The following NWD2 variants were observed in gnomAD, a reference collection of about 807,000 sequenced individuals.
NWD2 encodes NACHT and WD repeat domain-containing protein 2.
In NWD2, 37 loss-of-function variants were observed where a neutral mutation model predicts 132.7. That is an observed-to-expected ratio of 0.28 (90% CI 0.21 to 0.37). The LOEUF (loss-of-function observed/expected upper bound fraction) is 0.37, where lower values mean the gene tolerates loss of function less well. NWD2 is among the 10% of genes least tolerant of loss of function. The pLI is 1.00. For synonymous variants in NWD2, 705 were observed against 803.0 expected (o/e 0.88, Z 2.06); for missense variants, 1,592 against 2,122.4 (o/e 0.75, Z 4.91).
intron 1 of NWD2, among the ~76,000 whole-genome samples, chr4:37,321,528 G>A (rs141384832): frequency 3.3e-5 from 5 of 151,550 alleles, no homozygotes; most frequent in East Asian, 1.9e-4. Flanking sequence ...AAATAGTTGC[G>A]ATGACTATGT....
rs1712434050 is a variant in NWD2, at chr4:37,439,852, G to A, written c.1296+462G>A. Among the ~76,000 whole-genome samples, 1 of 152,182 alleles carries A rather than the reference G, an allele frequency of 6.6e-6. No homozygotes were observed. Among genetic ancestry groups the A allele is most frequent in the Non-Finnish European group, 1.5e-5 (1 of 68,036 alleles). On this transcript the variant is annotated intron_variant, in intron 6 of 6. Transcript: ENST00000309447. This position sits in a 1 kb window ranked among gnomAD's most constrained non-coding sequence, Gnocchi z 4.5. ...CTCTCATAAACAAGGCACCTACAGT[G>A]GGAAATGGGGATCTTCTTTCTTTTT...
At chr4:37,438,193 G>A (rs994285926) in intron 5 of NWD2, among the ~76,000 whole-genome samples, 12 of 151,842 alleles carry the variant, frequency 7.9e-5, no homozygotes, top group African/African-American at 1.7e-4. Context: ...CCCAGGAGGC[G>A]GAGCTTGCAG....
At chr4:37,372,567 C>T (rs1720251090) in intron 3 of NWD2, among the ~76,000 whole-genome samples, 1 of 152,190 alleles carries the variant, frequency 6.6e-6, no homozygotes, top group African/African-American at 2.4e-5. Context: ...TTATCTGGAC[C>T]AACGGGTCTC....
chr4:37,390,161 G>C (rs1025617008), intron 3 of NWD2, among the ~76,000 whole-genome samples: 1 of 152,084 alleles, frequency 6.6e-6, no homozygotes, highest in African/African-American at 2.4e-5. Flanking sequence ...TTCTTTAAAT[G>C]CAACAGTTCC....
chr4:37,347,602 A>G (rs1392256956), intron 2 of NWD2, among the ~76,000 whole-genome samples: 1 of 152,158 alleles, frequency 6.6e-6, no homozygotes, highest in Non-Finnish European at 1.5e-5. Flanking sequence ...CTGTAGAAAG[A>G]TTATTCCTAT....
intron 2 of NWD2, among the ~76,000 whole-genome samples, chr4:37,341,926 TA>T (rs1246557907): frequency 2.6e-5 from 4 of 152,162 alleles, no homozygotes; most frequent in African/African-American, 9.7e-5. Flanking sequence ...AGCAAGAATT[TA>T]AGCAGGGAGA....
In NWD2 at chr4:37,446,386, A is replaced by C; in HGVS notation, c.4398A>C (p.Thr1466=). The C allele has an allele frequency of 6.4e-7, 1 of 1,551,852 alleles. No individual in the cohort carries two copies. Among genetic ancestry groups the C allele is most frequent in the Non-Finnish European group, 8.7e-7 (1 of 1,147,028 alleles). Residue 1466 remains threonine (T), a synonymous_variant, in exon 7 of 7, where the codon ACA becomes ACC. Coordinates refer to ENST00000309447, the MANE Select transcript of NWD2 (RefSeq NM_001144990.2). This position sits in a 1 kb window ranked among gnomAD's most constrained non-coding sequence, Gnocchi z 6.7. ...KSKVLAVSLW[T]GSITKKFCCE... ...AAGTGTTGGCAGTCAGTCTTTGGAC[A>C]GGAAGTATCACCAAGAAATTTTGCT...
intron 1 of NWD2, among the ~76,000 whole-genome samples, chr4:37,275,635 A>G (rs1717995083): frequency 6.6e-6 from 1 of 152,194 alleles, no homozygotes; most frequent in Admixed American, 6.5e-5. Context: ...CCTAAGCCAA[A>G]AGAACAAAGC....
intron 5 of NWD2, among the ~76,000 whole-genome samples, chr4:37,438,422 C>T (rs1269018797): frequency 6.6e-6 from 1 of 152,182 alleles, no homozygotes; most frequent in Non-Finnish European, 1.5e-5. Context: ...CCTCCTCTTT[C>T]TTTCCTGGCC....
intron 3 of NWD2, among the ~76,000 whole-genome samples, chr4:37,429,204 A>T (rs1227583891): frequency 6.6e-6 from 1 of 152,210 alleles, no homozygotes; most frequent in African/African-American, 2.4e-5. Flanking sequence ...GTATTTTTAT[A>T]AAATGTTTCT....
chr4:37,244,755 C>A lies in NWD2; in HGVS notation c.-313C>A. The A allele has an allele frequency of 6.8e-6, 2 of 295,238 alleles. No individual in the cohort carries two copies. The highest frequency in any genetic ancestry group is 1.4e-4 in the East Asian group (2 of 14,664). The allele number at this position is 295,238 out of a possible 1,614,324, so 18.3% of individuals were successfully genotyped here. A position where few individuals can be genotyped will look rare whatever the true frequency, so the allele number is the denominator to read the frequency against. ...CGCTTCCCGGCGCAAACGGGCGCTGCGCGCGTAGCCGCCGCCACGCTGACC... is the reference window on the plus strand; with the variant it reads ...CGCTTCCCGGCGCAAACGGGCGCTGAGCGCGTAGCCGCCGCCACGCTGACC... On this transcript the variant is annotated 5_prime_UTR_variant, in exon 1 of 7. Coordinates refer to ENST00000309447, the MANE Select transcript of NWD2 (RefSeq NM_001144990.2). This position sits in a 1 kb window ranked among gnomAD's most constrained non-coding sequence, Gnocchi z 5.5.
rs1202829365 is a variant in NWD2, at chr4:37,308,634, C to T, written c.152-17302C>T. Among the ~76,000 whole-genome samples, 7 of 152,148 alleles carry T rather than the reference C, an allele frequency of 4.6e-5. No homozygotes were observed. In the East Asian group the frequency reaches 1.3e-3, roughly 29 times the overall value. The stretch of plus-strand genomic sequence containing the variant: ...GTTGCTGGCAGTGGCAGTCCCTGGG[C>T]AGCAGGGTAGTTCTTAGGCCCCTTG... On this transcript the variant is annotated intron_variant, in intron 1 of 6. Transcript: ENST00000309447.
intron 3 of NWD2, among the ~76,000 whole-genome samples, chr4:37,371,072 C>CTTTTTTTTTTTTATTTTTTTTTTT (rs1309185055): frequency 9.9e-6 from 1 of 100,526 alleles, no homozygotes. Context: ...ATTTTTTTTT[C>CTTTTTTTTTTTTATTTTTTTTTTT]TTTTTCTTTT....
intron 1 of NWD2, among the ~76,000 whole-genome samples, chr4:37,320,439 G>A (rs1420966237): frequency 1.3e-5 from 2 of 152,118 alleles, no homozygotes; most frequent in African/African-American, 2.4e-5. Context: ...TATTGCTGGC[G>A]GCTCTGTGAG....
At chr4:37,364,861 A>G (rs1720064830) in intron 3 of NWD2, among the ~76,000 whole-genome samples, 1 of 152,140 alleles carries the variant, frequency 6.6e-6, no homozygotes, top group African/African-American at 2.4e-5. Context: ...TACATTTTGA[A>G]CGGGGCCATA....
chr4:37,427,208 C>G (rs1324390339), intron 3 of NWD2, among the ~76,000 whole-genome samples: 1 of 152,154 alleles, frequency 6.6e-6, no homozygotes, highest in Non-Finnish European at 1.5e-5. Flanking sequence ...TAGACATTCT[C>G]TTATTCCCTA....
Position 37,431,439 on chromosome 4 carries a change from T to C in NWD2, c.561+664T>C, listed in dbSNP as rs74774183. Among the ~76,000 whole-genome samples, 22 of 152,308 alleles carry C rather than the reference T, an allele frequency of 1.4e-4. No homozygotes were observed. The East Asian group carries it at 3.7e-3, about 25-fold the overall frequency. ...CAGGCCCAGAAAGACAAATACCATATGATCTCACTTACATATGGAATCTAA... is the reference window on the plus strand; with the variant it reads ...CAGGCCCAGAAAGACAAATACCATACGATCTCACTTACATATGGAATCTAA... On this transcript the variant is annotated intron_variant, in intron 4 of 6. Transcript: ENST00000309447.
chr4:37,303,122 T>G (rs1442863887), intron 1 of NWD2, among the ~76,000 whole-genome samples: 1 of 152,210 alleles, frequency 6.6e-6, no homozygotes, highest in Non-Finnish European at 1.5e-5. Context: ...TTGATTTTTG[T>G]ATATAGTGAG....
chr4:37,252,885 C>G (rs1257993553), intron 1 of NWD2, among the ~76,000 whole-genome samples: 1 of 152,138 alleles, frequency 6.6e-6, no homozygotes. Context: ...TGCAAGTTAT[C>G]AGTCTAGTCT....
Sources: gnomAD v4.1 joint callset for allele counts (sites outside exome capture counted in the v4.1 genomes callset) on GRCh38, gnomAD v4.1.1 for gene constraint, Gnocchi (gnomAD v3.1) non-coding constraint, MANE v1.5 for transcripts, NCBI Gene and HGNC (gene_info 2026-07-23, HGNC 2026-07-21) for gene names.